Variants in PLD2 observed in about 807,000 individuals in gnomAD.
The protein encoded by PLD2 is phospholipase D2.
PLD2 carries 101 observed loss-of-function variants against 119.8 expected under a neutral mutation model. The observed-to-expected ratio is 0.84, with a 90% CI of 0.72 to 0.99. The LOEUF (loss-of-function observed/expected upper bound fraction) is 0.99, where lower values mean the gene tolerates loss of function less well. Ranked by LOEUF, PLD2 falls within the 50% of genes least tolerant of loss-of-function variation. PLD2 has a pLI of 0.00. For missense variants in PLD2, 1,164 were observed against 1,226.8 expected (o/e 0.95, Z 0.76); for synonymous variants, 494 against 482.8 (o/e 1.02, Z -0.30).
chr17:4,808,978 G>A lies in PLD2; in HGVS notation c.384-122G>A. ...CCAAGTGCTGGGATTCCAGGCGTGA[G>A]CCACCACGCCTGGCCACCTCCAGGC... is the stretch of plus-strand genomic sequence containing the variant. On this transcript the variant is annotated intron_variant, in intron 4 of 24. Coordinates refer to ENST00000263088, the MANE Select transcript of PLD2 (RefSeq NM_002663.5). The surrounding 1 kb of genome is among the most constrained non-coding windows in gnomAD (Gnocchi z 4.1). The A allele has an allele frequency of 1.4e-6, 1 of 737,768 alleles. No individual in the cohort carries two copies. Among genetic ancestry groups the A allele is most frequent in the Non-Finnish European group, 2.3e-6 (1 of 427,912 alleles). The allele number at this position is 737,768 out of a possible 1,614,324, so 45.7% of individuals were successfully genotyped here.
At position 4,819,661 on chromosome 17, in the gene PLD2, G is replaced by A. The variant is rs376363263; in HGVS notation, c.2462+79G>A. 6.6e-5 allele frequency: 89 copies of A among 1,346,840 alleles called. No homozygotes were observed. In the Admixed American group the frequency reaches 6.9e-4, roughly 10 times the overall value. The allele number at this position is 1,346,840 out of a possible 1,614,324, so 83.4% of individuals were successfully genotyped here. ...TTTGAGCAGGACAAGAGGTAGCACC[G>A]CATAGGTACTCCCGGAGCCAGAGGT... On this transcript the variant is annotated intron_variant, in intron 23 of 24. Transcript: ENST00000263088. This position sits in a 1 kb window ranked among gnomAD's most constrained non-coding sequence, Gnocchi z 4.2.
chr17:4,818,550 G>A lies in PLD2; in HGVS notation c.2066G>A (p.Gly689Asp), dbSNP rs749543174. The A allele has an allele frequency of 2.5e-6, 4 of 1,614,030 alleles. No individual in the cohort carries two copies. In the South Asian group the frequency reaches 3.3e-5, roughly 13 times the overall value. ...TTGCCCTTACTCCCTGGCTTCGAGGGTGACATCTCCACGGGCGGTGGCAAC... is the reference window on the plus strand; with the variant it reads ...TTGCCCTTACTCCCTGGCTTCGAGGATGACATCTCCACGGGCGGTGGCAAC... ...VLLPLLPGFE[G>D]DISTGGGNSI... Residue 689 changes from glycine to aspartate, a missense_variant, in exon 20 of 25, where the codon GGT (glycine) becomes GAT (aspartate). Physicochemically the swap from Gly to Asp is moderately conservative, Grantham distance 94. Coordinates refer to ENST00000263088, the MANE Select transcript of PLD2 (RefSeq NM_002663.5).
chr17:4,822,690 G>T lies in PLD2; in HGVS notation c.2628G>T (p.Arg876=). 1 of 1,614,134 alleles carries T rather than the reference G, an allele frequency of 6.2e-7. No individual in the cohort carries two copies. The highest frequency in any genetic ancestry group is 8.5e-7 in the Non-Finnish European group (1 of 1,180,006). Residue 876 remains arginine (R), a synonymous_variant, in exon 25 of 25, where the codon CGG becomes CGT. Coordinates refer to ENST00000263088, the MANE Select transcript of PLD2 (RefSeq NM_002663.5). The stretch of plus-strand genomic sequence containing the variant: ...CCACGCGTTCCCTGCGGACTCTCCG[G>T]GAGTACGTGGCCGTGGAGCCCTTGG... ...SNATRSLRTL[R]EYVAVEPLAT... is the part of the protein sequence containing the mutation.
chr17:4,814,571 AG>A (rs1297528577), intron 11 of PLD2, 61 bp from the exon 12 acceptor site: 4 of 1,612,846 alleles, frequency 2.5e-6, no homozygotes, highest in East Asian at 2.2e-5. Flanking sequence ...TAGGAGGAGA[AG>A]GGGGGTGCAG....
chr17:4,813,246 G>A (rs1906650733), intron 10 of PLD2, among the ~76,000 whole-genome samples: 1 of 152,178 alleles, frequency 6.6e-6, no homozygotes. Context: ...CTGACCTTAA[G>A]TGATCCACCC....
chr17:4,807,965 C>T lies in PLD2; in HGVS notation c.110-19C>T, dbSNP rs781034292. 92 of 1,606,156 alleles carry T rather than the reference C, an allele frequency of 5.7e-5. No homozygotes were observed. The highest frequency in any genetic ancestry group is 6.7e-5 in the Admixed American group (4 of 59,782). On this transcript the variant is annotated intron_variant, in intron 2 of 24. Transcript: ENST00000263088. The surrounding 1 kb of genome is among the most constrained non-coding windows in gnomAD (Gnocchi z 5.4). ...GGGGCCTGTTGTGGTCTACACTCCT[C>T]GACTTTCTTTCCTCCCAGCCGACCG...
At chr17:4,814,806 G>T (rs1450215320) in intron 12 of PLD2, 95 bp downstream of exon 12, 4 of 1,097,676 alleles carry the variant, frequency 3.6e-6, no homozygotes, top group Non-Finnish European at 5.5e-6. Flanking sequence ...GCAGTCTGAG[G>T]CTTCAGGGGA....
rs150173849 is a variant in PLD2 at position 4,820,933 on chromosome 17, C to T, written c.2463-860C>T. On this transcript the variant is annotated intron_variant, in intron 23 of 24. Coordinates refer to ENST00000263088, the MANE Select transcript of PLD2 (RefSeq NM_002663.5). Reference sequence around the variant, plus strand: ...GTTTGTTTTCTTTTTGAGACGGAGTCGCTCTGTCACCCACGCTGGAGTGCA... The same window carrying T: ...GTTTGTTTTCTTTTTGAGACGGAGTTGCTCTGTCACCCACGCTGGAGTGCA... Among the ~76,000 whole-genome samples, 1,169 of 146,938 alleles carry T rather than the reference C, an allele frequency of 8.0e-3. 23 individuals carry two copies. Among genetic ancestry groups the T allele is most frequent in the African/African-American group, 0.028 (1,098 of 39,840 alleles).
intron 12 of PLD2, among the ~76,000 whole-genome samples, chr17:4,815,210 G>T (rs978746768): frequency 6.6e-6 from 1 of 151,980 alleles, no homozygotes; most frequent in Non-Finnish European, 1.5e-5. Flanking sequence ...AATGATAGAC[G>T]GTACATAAAG....
chr17:4,810,139 C>T (rs961838347), intron 9 of PLD2, 110 bp downstream of exon 9: 2 of 1,112,684 alleles, frequency 1.8e-6, no homozygotes, highest in East Asian at 2.6e-5. Context: ...TTTCCACCTC[C>T]CTGGATCGGG....
chr17:4,812,157 C>T (rs1223945841), intron 10 of PLD2, among the ~76,000 whole-genome samples: 2 of 151,230 alleles, frequency 1.3e-5, no homozygotes, highest in Admixed American at 1.3e-4. Flanking sequence ...GCTCTTGTTG[C>T]CCAGGCTAGC....
chr17:4,814,745 GTTGCC>G (rs1906806139), intron 12 of PLD2, 34 bp downstream of exon 12: 2 of 1,590,170 alleles, frequency 1.3e-6, no homozygotes, highest in African/African-American at 2.7e-5. Flanking sequence ...GGGGGAGGGG[GTTGCC>G]TGTGGGTGGA....
rs372926521 is a variant in PLD2, at chr17:4,819,155, G to A, written c.2245G>A (p.Val749Ile). The change falls in exon 22 of 25, where the codon GTC (valine) becomes ATC (isoleucine). Residue 749 changes from valine (V) to isoleucine (I), a missense_variant. Coordinates refer to ENST00000263088, the MANE Select transcript of PLD2 (RefSeq NM_002663.5). The surrounding 1 kb of genome is among the most constrained non-coding windows in gnomAD (Gnocchi z 4.2). The stretch of plus-strand genomic sequence containing the variant: ...ACACGGAGAGCTGGGCGGGCACCCC[G>A]TCTCGGAGCTCATCTACATCCACAG... ...RTHGELGGHPVSELIYIHSKV... is the reference protein window; with the variant it reads ...RTHGELGGHPISELIYIHSKV... The A allele has an allele frequency of 8.8e-5, 142 of 1,614,034 alleles. No individual in the cohort carries two copies. Among genetic ancestry groups the A allele is most frequent in the Middle Eastern group, 1.6e-4 (1 of 6,084 alleles).
rs1393699819 is a variant in PLD2 at position 4,819,537 on chromosome 17, AT to A, written c.2418del (p.Gln807ArgfsTer7). 7 of 1,613,830 alleles carry A rather than the reference AT, an allele frequency of 4.3e-6. No individual in the cohort carries two copies. The highest frequency in any genetic ancestry group is 1.3e-5 in the African/African-American group (1 of 74,918). Reference sequence around the variant, plus strand: ...CCATCCCTCATGAATGGGGCAGAGTATCAGGCGGGCAGGTTTGCCTTGAGTC... The same window carrying A: ...CCATCCCTCATGAATGGGGCAGAGTACAGGCGGGCAGGTTTGCCTTGAGTC... ...TEPSLMNGAE[Y>X]QAGRFALSLR... On this transcript the variant is annotated frameshift_variant, in exon 23 of 25. Transcript: ENST00000263088. LOFTEE classifies it high-confidence loss of function. The surrounding 1 kb of genome is among the most constrained non-coding windows in gnomAD (Gnocchi z 4.2).
intron 12 of PLD2, 22 bp downstream of exon 12, chr17:4,814,733 CAGGGGG>C: frequency 6.2e-7 from 1 of 1,609,062 alleles, no homozygotes; most frequent in East Asian, 2.2e-5. Flanking sequence ...GGTCAGGCCG[CAGGGGG>C]AGGGGGTTGC....
intron 10 of PLD2, chr17:4,814,195 TC>T: frequency 1.8e-6 from 1 of 542,866 alleles, no homozygotes; most frequent in Non-Finnish European, 3.1e-6. Context: ...ATCCTCCTGT[TC>T]TTTAGTTGAT....
rs768487562 is a variant in PLD2 at position 4,809,165 on chromosome 17, C to T, written c.449C>T (p.Ala150Val). ...GNREMPSLPR[A>V]GPEGSTRHAA... ...AGAGAGATGCCCTCTCTACCCCGGG[C>T]AGGTCCTGAGGGCTCCACCAGACAT... is the stretch of plus-strand genomic sequence containing the variant. Residue 150 changes from alanine to valine, a missense_variant, in exon 5 of 25, where the codon GCA (alanine) becomes GTA (valine). Physicochemically the swap from Ala to Val is moderately conservative, Grantham distance 64. Transcript: ENST00000263088. 1.2e-6 allele frequency: 2 copies of T among 1,614,186 alleles called. No individual in the cohort carries two copies. The highest frequency in any genetic ancestry group is 2.2e-5 in the South Asian group (2 of 91,086).
At chr17:4,818,689 G>C in intron 20 of PLD2, 82 bp downstream of exon 20, 3 of 1,567,158 alleles carry the variant, frequency 1.9e-6, no homozygotes, top group Non-Finnish European at 1.8e-6. Context: ...ATCCCTTCCT[G>C]CTGGGCCTTA....
At chr17:4,814,546 G>A (rs1053221572) in intron 11 of PLD2, 45 bp downstream of exon 11, 2 of 1,612,588 alleles carry the variant, frequency 1.2e-6, no homozygotes, top group African/African-American at 1.3e-5. Flanking sequence ...GATAGAGCCT[G>A]GGGCAGATCA....
Sources: allele counts gnomAD v4.1 joint callset (sites outside exome capture counted in the v4.1 genomes callset), GRCh38; gene constraint gnomAD v4.1.1; non-coding constraint Gnocchi (gnomAD v3.1); transcripts MANE v1.5; gene names NCBI Gene and HGNC (gene_info 2026-07-23, HGNC 2026-07-21).